The following COL14A1 variants were observed in gnomAD, a reference collection of about 807,000 sequenced individuals.
The protein encoded by COL14A1 is collagen alpha-1(XIV) chain.
Under a neutral mutation model 230.3 loss-of-function variants are expected in COL14A1, and 136 were observed. That is an observed-to-expected ratio of 0.59 (90% CI 0.51 to 0.68). COL14A1 has a LOEUF of 0.68. Among genes scored for constraint, COL14A1 ranks in the 30% least tolerant of loss-of-function variants. The probability of loss-of-function intolerance (pLI) is 0.00; values close to 1 mark genes in which losing one functional copy is unlikely to be tolerated. For synonymous variants in COL14A1, 792 were observed against 784.1 expected (o/e 1.01, Z -0.17); for missense variants, 1,976 against 2,215.8 (o/e 0.89, Z 2.17).
intron 42 of COL14A1, among the ~76,000 whole-genome samples, chr8:120,333,274 A>G (rs996201897): frequency 6.6e-6 from 1 of 152,200 alleles, no homozygotes; most frequent in Non-Finnish European, 1.5e-5. Flanking sequence ...TGGTGTTTAA[A>G]TGTGATCAAT....
At chr8:120,158,030 C>A (rs889706704) in intron 2 of COL14A1, 100 bp from the exon 3 acceptor site, 6 of 641,192 alleles carry the variant, frequency 9.4e-6, no homozygotes, top group African/African-American at 1.9e-5. Context: ...CTGATGAAGT[C>A]TTTTGTGTGT....
chr8:120,127,771 C>T (rs933457300), intron 1 of COL14A1, among the ~76,000 whole-genome samples: 2 of 152,200 alleles, frequency 1.3e-5, no homozygotes, highest in African/African-American at 2.4e-5. Context: ...AAGCCACATT[C>T]GCAGTCAGTG....
intron 4 of COL14A1, among the ~76,000 whole-genome samples, chr8:120,167,497 G>A (rs16893621): frequency 0.14 from 21,657 of 152,186 alleles, 1,755 homozygotes; most frequent in South Asian, 0.31. Context: ...CAGCTGTGCA[G>A]TTTTAAGGAG....
intron 40 of COL14A1, among the ~76,000 whole-genome samples, chr8:120,323,126 G>A (rs1277396656): frequency 1.3e-5 from 2 of 152,034 alleles, no homozygotes; most frequent in Non-Finnish European, 2.9e-5. Flanking sequence ...GTGTGAGATC[G>A]CATCTCATTG....
At chr8:120,137,782 T>G (rs1814762208) in intron 1 of COL14A1, among the ~76,000 whole-genome samples, 1 of 151,492 alleles carries the variant, frequency 6.6e-6, no homozygotes, top group Non-Finnish European at 1.5e-5. Flanking sequence ...TATTATTCAT[T>G]TTTTTTTAAT....
Position 120,297,491 on chromosome 8 carries a change from AT to A in COL14A1, c.4237-16del. On this transcript the variant is annotated intron_variant, in intron 34 of 47. Transcript: ENST00000297848. ...TTTATATATATTTTATTGAATGACA[AT>A]TTTCTTTTTAAATCATAGTTCCAGT... 1 of 1,350,984 alleles carries A rather than the reference AT, an allele frequency of 7.4e-7. No homozygotes were observed. Among genetic ancestry groups the A allele is most frequent in the Non-Finnish European group, 9.8e-7 (1 of 1,020,562 alleles). 83.7% of individuals were successfully genotyped at this position (1,350,984 alleles called of 1,614,324 possible).
At position 120,321,302 on chromosome 8, in the gene COL14A1, G is replaced by A. The variant is rs1821431334; in HGVS notation, c.4659+5305G>A. ...GCACACCTGGGCACATCTGAGAAGA[G>A]AACAGCTACTAAAACATATTAGTTT... On this transcript the variant is annotated intron_variant, in intron 40 of 47. Coordinates refer to ENST00000297848, the MANE Select transcript of COL14A1 (RefSeq NM_021110.4). 2.0e-5 allele frequency among the ~76,000 whole-genome samples: 3 copies of A among 152,102 alleles called. No homozygotes were observed. In the South Asian group the frequency reaches 6.2e-4, roughly 32 times the overall value.
At chr8:120,245,406 G>A (rs12547847) in intron 20 of COL14A1, among the ~76,000 whole-genome samples, 11,321 of 152,180 alleles carry the variant, frequency 0.074, 971 homozygotes, top group East Asian at 0.4. Flanking sequence ...GTCATGCAAC[G>A]CTTATTTAAG....
chr8:120,287,598 A>G (rs1052878236), intron 33 of COL14A1, among the ~76,000 whole-genome samples: 1 of 152,294 alleles, frequency 6.6e-6, no homozygotes, highest in African/African-American at 2.4e-5. Flanking sequence ...TACCAGAAGA[A>G]CTCAAGAAGT....
intron 1 of COL14A1, among the ~76,000 whole-genome samples, chr8:120,133,843 C>T (rs943091020): frequency 1.6e-4 from 24 of 151,944 alleles, no homozygotes; most frequent in African/African-American, 4.6e-4. Context: ...AGAAAGATAT[C>T]ATCTACAGAA....
intron 1 of COL14A1, among the ~76,000 whole-genome samples, chr8:120,129,770 C>T (rs1180990138): frequency 6.6e-6 from 1 of 152,210 alleles, no homozygotes; most frequent in Non-Finnish European, 1.5e-5. Flanking sequence ...GTCATTGACC[C>T]TAGGCGAAGT....
At chr8:120,278,693 A>G (rs1018341255) in intron 28 of COL14A1, 115 bp downstream of exon 28, 1 of 1,061,598 alleles carries the variant, frequency 9.4e-7, no homozygotes, top group Non-Finnish European at 1.3e-6. Flanking sequence ...ATTTCTTCAT[A>G]TTAACTAGAC....
chr8:120,310,165 T>TA, intron 37 of COL14A1, 103 bp downstream of exon 37: 1 of 1,161,042 alleles, frequency 8.6e-7, no homozygotes, highest in Non-Finnish European at 1.2e-6. Flanking sequence ...CCTTGCAATC[T>TA]AAAGTTCCTT....
intron 26 of COL14A1, among the ~76,000 whole-genome samples, chr8:120,274,061 A>G (rs895001125): frequency 1.3e-5 from 2 of 151,914 alleles, no homozygotes; most frequent in Non-Finnish European, 2.9e-5. Context: ...CCTTGTGAAC[A>G]TAGACGCAAA....
intron 19 of COL14A1, among the ~76,000 whole-genome samples, chr8:120,240,505 G>A (rs958675638): frequency 6.6e-6 from 1 of 152,100 alleles, no homozygotes; most frequent in East Asian, 1.9e-4. Flanking sequence ...TGGACCAAAT[G>A]ACATCTTAAA....
chr8:120,312,010 T>A (rs1821059254), intron 37 of COL14A1, among the ~76,000 whole-genome samples: 1 of 151,834 alleles, frequency 6.6e-6, no homozygotes, highest in South Asian at 2.1e-4. Context: ...CACAGGAGAA[T>A]CACTTGAACC....
chr8:120,230,566 C>T lies in COL14A1; in HGVS notation c.2198-901C>T, dbSNP rs535125751. 7.9e-5 allele frequency among the ~76,000 whole-genome samples: 12 copies of T among 152,186 alleles called. No individual in the cohort carries two copies. The South Asian group carries it at 1.0e-3, about 13-fold the overall frequency. ...TTCCCCCGTTTTTCTCTTGCAATCC[C>T]GAACTCCTTTCCCTAAATGTGAGAA... On this transcript the variant is annotated intron_variant, in intron 18 of 47. Coordinates refer to ENST00000297848, the MANE Select transcript of COL14A1 (RefSeq NM_021110.4).
rs778176377 is a variant in COL14A1, at chr8:120,255,365, A to G, written c.2869+9A>G. On this transcript the variant is annotated intron_variant, in intron 23 of 47. Transcript: ENST00000297848. ...TATAGAATCCCTCCAGGGTGAGTAC[A>G]ATCCATCACTTACGTTTTTGTCAAG... The G allele has an allele frequency of 3.2e-6, 5 of 1,581,530 alleles. No homozygotes were observed. The African/African-American group carries it at 5.4e-5, about 17-fold the overall frequency.
chr8:120,286,118 AC>A, intron 33 of COL14A1, 148 bp downstream of exon 33: 1 of 596,766 alleles, frequency 1.7e-6, no homozygotes, highest in South Asian at 2.2e-5. Context: ...GTGCTTGTTA[AC>A]AGATTCTGAT....
Sources: gnomAD v4.1 joint callset for allele counts (sites outside exome capture counted in the v4.1 genomes callset) on GRCh38, gnomAD v4.1.1 for gene constraint, MANE v1.5 for transcripts, NCBI Gene and HGNC (gene_info 2026-07-23, HGNC 2026-07-21) for gene names.